Variants in HYCC2 observed in about 807,000 individuals in gnomAD.
The protein encoded by HYCC2 is hyccin 2.
chr2:200,999,989 C>T, the HYCC2 span, among the ~76,000 whole-genome samples: 4 of 133,676 alleles, frequency 3.0e-5, no homozygotes, highest in Non-Finnish European at 4.6e-5. Context: ...ACCCGAGAGG[C>T]GGAGGTTATG....
At chr2:201,005,280 T>TG in the HYCC2 span, among the ~76,000 whole-genome samples, 5 of 152,012 alleles carry the variant, frequency 3.3e-5, no homozygotes, top group African/African-American at 4.8e-5. Context: ...TCTGTTTTTC[T>TG]GGGGGGGTTT....
chr2:200,997,642 CA>C, the HYCC2 span: 1 of 705,880 alleles, frequency 1.4e-6, no homozygotes. Context: ...ATTTCTTAAT[CA>C]AATCAATATA....
chr2:201,008,237 A>G, the HYCC2 span, among the ~76,000 whole-genome samples: 1 of 152,222 alleles, frequency 6.6e-6, no homozygotes, highest in South Asian at 2.1e-4. Flanking sequence ...CAAGGTGTAC[A>G]GAGTAGATAA....
At chr2:201,052,544 G>A in the HYCC2 span, among the ~76,000 whole-genome samples, 1 of 152,176 alleles carries the variant, frequency 6.6e-6, no homozygotes, top group Non-Finnish European at 1.5e-5. Context: ...GGAGGTTGAG[G>A]CTGCAGTGAG....
the HYCC2 span, among the ~76,000 whole-genome samples, chr2:201,067,445 A>C: frequency 6.6e-6 from 1 of 152,124 alleles, no homozygotes; most frequent in Non-Finnish European, 1.5e-5. Context: ...TTATATTTCA[A>C]ACCTAGAAAG....
At chr2:201,040,479 C>A in the HYCC2 span, among the ~76,000 whole-genome samples, 1 of 138,130 alleles carries the variant, frequency 7.2e-6, no homozygotes, top group South Asian at 2.3e-4. Context: ...TTTTGTGAAT[C>A]TCATAATTTT....
chr2:201,056,260 G>C, the HYCC2 span, among the ~76,000 whole-genome samples: 3 of 152,210 alleles, frequency 2.0e-5, no homozygotes, highest in South Asian at 4.1e-4. Context: ...TTAAATTCTA[G>C]AAATAACATA....
At chr2:201,004,471 CAG>C in the HYCC2 span, among the ~76,000 whole-genome samples, 22 of 152,294 alleles carry the variant, frequency 1.4e-4, no homozygotes, top group East Asian at 4.3e-3. Flanking sequence ...GCCAATAAAA[CAG>C]ACAAAGACTG....
the HYCC2 span, chr2:200,976,518 G>A: frequency 6.6e-6 from 1 of 152,040 alleles, no homozygotes; most frequent in African/African-American, 2.4e-5. Context: ...CTCAAAAATG[G>A]ACTCCACTTC....
the HYCC2 span, among the ~76,000 whole-genome samples, chr2:201,033,959 A>T: frequency 2.6e-5 from 4 of 151,690 alleles, no homozygotes. Context: ...AGTAATCCTG[A>T]TGACCATCCT....
chr2:201,018,403 T>C, the HYCC2 span, among the ~76,000 whole-genome samples: 7 of 152,320 alleles, frequency 4.6e-5, no homozygotes, highest in East Asian at 1.3e-3. Context: ...TCCTCTATTC[T>C]AAATGATTAA....
the HYCC2 span, among the ~76,000 whole-genome samples, chr2:201,049,000 G>A: frequency 6.6e-6 from 1 of 151,722 alleles, no homozygotes; most frequent in South Asian, 2.1e-4. Flanking sequence ...GTGGTGGTGT[G>A]TGCCTGTAGT....
At chr2:200,991,420 T>C in the HYCC2 span, among the ~76,000 whole-genome samples, 386 of 152,106 alleles carry the variant, frequency 2.5e-3, 3 homozygotes, top group African/African-American at 8.8e-3. Context: ...ATATAAAAAA[T>C]TAGCCAGGTG....
the HYCC2 span, among the ~76,000 whole-genome samples, chr2:201,055,160 G>A: frequency 3.4e-3 from 509 of 151,872 alleles, no homozygotes; most frequent in South Asian, 7.5e-3. Context: ...TTGAAATATT[G>A]GCATCTTTTT....
At chr2:201,026,798 G>C in the HYCC2 span, among the ~76,000 whole-genome samples, 15 of 152,130 alleles carry the variant, frequency 9.9e-5, no homozygotes. Flanking sequence ...TAGAATCTCT[G>C]GGACACATTT....
chr2:201,037,337 T>A, the HYCC2 span, among the ~76,000 whole-genome samples: 32 of 148,854 alleles, frequency 2.1e-4, no homozygotes, highest in African/African-American at 7.3e-4. Flanking sequence ...TATACATTCA[T>A]TGCCATCCCC....
At chr2:200,981,124 A>T in the HYCC2 span, 5 of 935,302 alleles carry the variant, frequency 5.3e-6, no homozygotes, top group Non-Finnish European at 8.2e-6. This position sits in a 1 kb window ranked among gnomAD's most constrained non-coding sequence, Gnocchi z 4.5. Flanking sequence ...TGCTGTTTTG[A>T]TACAAAATAC....
At chr2:200,991,474 C>G in the HYCC2 span, among the ~76,000 whole-genome samples, 2 of 151,774 alleles carry the variant, frequency 1.3e-5, no homozygotes, top group South Asian at 4.2e-4. Context: ...GAGGCTGAGG[C>G]AGGAGAATCG....
chr2:201,013,763 C>A, the HYCC2 span, among the ~76,000 whole-genome samples: 1 of 152,074 alleles, frequency 6.6e-6, no homozygotes, highest in Non-Finnish European at 1.5e-5. Flanking sequence ...TTAAGTTAAG[C>A]AAAAATGTTT....
Sources: gnomAD v4.1 joint callset for allele counts (sites outside exome capture counted in the v4.1 genomes callset) on GRCh38, gnomAD v4.1.1 for gene constraint, Gnocchi (gnomAD v3.1) non-coding constraint, MANE v1.5 for transcripts, NCBI Gene and HGNC (gene_info 2026-07-23, HGNC 2026-07-21) for gene names.